The following DNAH7 variants were observed in gnomAD, a reference collection of about 807,000 sequenced individuals.
The protein encoded by DNAH7 is dynein axonemal heavy chain 7.
A neutral mutation model predicts 444.6 loss-of-function variants in DNAH7; 397 were observed. The ratio of observed to expected loss-of-function variants is 0.89; its 90% confidence interval spans 0.82 to 0.97. The LOEUF (loss-of-function observed/expected upper bound fraction) is 0.97, where lower values mean the gene tolerates loss of function less well. Ranked by LOEUF, DNAH7 falls within the 50% of genes least tolerant of loss-of-function variation. DNAH7 has a pLI of 0.00. For missense variants in DNAH7, 4,902 were observed against 4,800.8 expected (o/e 1.02, Z -0.62); for synonymous variants, 1,636 against 1,624.4 (o/e 1.01, Z -0.17).
At chr2:195,900,575 C>T in intron 27 of DNAH7, 81 bp from the exon 28 acceptor site, 1 of 1,301,638 alleles carries the variant, frequency 7.7e-7, no homozygotes. Context: ...CACACGCTCT[C>T]ACTAATATGT....
intron 42 of DNAH7, among the ~76,000 whole-genome samples, chr2:195,859,523 G>T (rs1464915335): frequency 6.6e-6 from 1 of 151,866 alleles, no homozygotes; most frequent in Non-Finnish European, 1.5e-5. Flanking sequence ...TAAAATACTT[G>T]ATATACCATA....
At chr2:195,852,913 CACAGAG>C (rs1428333590) in intron 46 of DNAH7, among the ~76,000 whole-genome samples, 702 of 134,622 alleles carry the variant, frequency 5.2e-3, no homozygotes, top group Middle Eastern at 0.03. Flanking sequence ...CACACACACA[CACAGAG>C]AGAGAGAGAG....
chr2:195,751,306 T>C (rs1693783333), intron 63 of DNAH7, among the ~76,000 whole-genome samples: 1 of 152,202 alleles, frequency 6.6e-6, no homozygotes, highest in Admixed American at 6.5e-5. Context: ...AATAAAACTG[T>C]TTAAGTATTA....
chr2:195,886,377 T>G, intron 33 of DNAH7, 105 bp from the exon 34 acceptor site: 1 of 1,030,674 alleles, frequency 9.7e-7, no homozygotes, highest in Non-Finnish European at 1.4e-6. Flanking sequence ...CAGGTAGTAA[T>G]AATTTTAAAT....
chr2:196,032,320 G>A (rs1394468953), intron 5 of DNAH7, among the ~76,000 whole-genome samples: 7 of 152,100 alleles, frequency 4.6e-5, no homozygotes, highest in Admixed American at 4.6e-4. Context: ...TTTGGGTGGG[G>A]ACACAGAGCC....
In DNAH7 at chr2:195,864,511, C is replaced by A. The variant is rs1226260810; in HGVS notation, c.7144G>T (p.Val2382Leu). The change falls in exon 41 of 65, where the codon GTG becomes TTG. Residue 2382 changes from valine (V) to leucine (L), a missense_variant. Transcript: ENST00000312428. ...DTTEWHEDLK[V>L]ILRKCAEGEM... is the part of the protein sequence containing the mutation. The stretch of plus-strand genomic sequence containing the variant: ...CCTTCCGCACATTTCCTTAAGATCA[C>A]TTTTAAATCTTCATGCCATTCAGTA... 2.5e-6 allele frequency: 4 copies of A among 1,614,170 alleles called. No individual in the cohort carries two copies. The highest frequency in any genetic ancestry group is 2.2e-5 in the South Asian group (2 of 91,082).
At chr2:196,027,878 C>G in intron 6 of DNAH7, 82 bp downstream of exon 6, 1 of 1,262,962 alleles carries the variant, frequency 7.9e-7, no homozygotes, top group African/African-American at 1.5e-5. Context: ...AGGAGAAGCA[C>G]AGAGTGGTCT....
chr2:196,051,173 T>C lies in DNAH7; in HGVS notation c.141+14A>G. Reference sequence around the variant, plus strand: ...AGCACAAAAATTCAATGAGAATATATTTGGATAAGTTACCATAGACAGCTG... The same window carrying C: ...AGCACAAAAATTCAATGAGAATATACTTGGATAAGTTACCATAGACAGCTG... On this transcript the variant is annotated intron_variant, in intron 3 of 64. Transcript: ENST00000312428. 1 of 1,609,794 alleles carries C rather than the reference T, an allele frequency of 6.2e-7. No homozygotes were observed. The highest frequency in any genetic ancestry group is 8.5e-7 in the Non-Finnish European group (1 of 1,177,170).
At chr2:195,784,816 T>C (rs1045124270) in intron 58 of DNAH7, among the ~76,000 whole-genome samples, 2 of 152,202 alleles carry the variant, frequency 1.3e-5, no homozygotes, top group African/African-American at 4.8e-5. Context: ...TTGTTTTAGT[T>C]TTTATTTCTC....
chr2:196,000,468 C>T (rs906523267), intron 12 of DNAH7, among the ~76,000 whole-genome samples: 12 of 152,192 alleles, frequency 7.9e-5, no homozygotes, highest in African/African-American at 2.9e-4. Context: ...CTGATCACAA[C>T]TTTAATTCCT....
intron 47 of DNAH7, 79 bp from the exon 48 acceptor site, chr2:195,834,439 C>T: frequency 8.5e-6 from 12 of 1,409,780 alleles, no homozygotes; most frequent in Non-Finnish European, 1.1e-5. Context: ...CATCACAGGT[C>T]ACTTTTTAAA....
intron 47 of DNAH7, among the ~76,000 whole-genome samples, chr2:195,836,823 TACTC>T (rs1304896689): frequency 1.3e-5 from 2 of 152,192 alleles, no homozygotes; most frequent in African/African-American, 4.8e-5. Context: ...TAAATTGAAT[TACTC>T]ACTCTTGTAT....
intron 24 of DNAH7, among the ~76,000 whole-genome samples, chr2:195,919,220 A>T (rs1351060287): frequency 6.7e-6 from 1 of 148,522 alleles, no homozygotes; most frequent in Non-Finnish European, 1.5e-5. Flanking sequence ...GCCTGGAGAC[A>T]GAGCAAGACT....
At chr2:196,021,946 G>A (rs1445866108) in intron 8 of DNAH7, among the ~76,000 whole-genome samples, 2 of 152,112 alleles carry the variant, frequency 1.3e-5, no homozygotes, top group African/African-American at 4.8e-5. Context: ...GGCCAACATG[G>A]TTAAACCCTG....
At chr2:195,744,217 C>G (rs1693232395) in intron 63 of DNAH7, among the ~76,000 whole-genome samples, 1 of 152,276 alleles carries the variant, frequency 6.6e-6, no homozygotes, top group Non-Finnish European at 1.5e-5. Flanking sequence ...TTATATCCCA[C>G]ACCTGGCTCG....
chr2:195,867,425 T>C (rs1334502399), intron 40 of DNAH7, among the ~76,000 whole-genome samples: 1 of 152,232 alleles, frequency 6.6e-6, no homozygotes, highest in Non-Finnish European at 1.5e-5. Context: ...AAGTCTTGAT[T>C]GCAGACTTTT....
intron 63 of DNAH7, among the ~76,000 whole-genome samples, chr2:195,744,750 G>A (rs372994506): frequency 4.6e-5 from 7 of 152,190 alleles, no homozygotes; most frequent in South Asian, 2.1e-4. Context: ...AACAGGGTCC[G>A]GAGTGGACCT....
intron 49 of DNAH7, among the ~76,000 whole-genome samples, chr2:195,822,362 C>A (rs1005360464): frequency 6.6e-6 from 1 of 152,134 alleles, no homozygotes; most frequent in African/African-American, 2.4e-5. Context: ...CCTTTCACAT[C>A]AAGACTTTTC....
intron 5 of DNAH7, among the ~76,000 whole-genome samples, chr2:196,029,656 G>C (rs1519616): frequency 0.71 from 108,508 of 152,010 alleles, 38,891 homozygotes; most frequent in African/African-American, 0.73. Context: ...GATGAAGAAA[G>C]TGAATGTCAG....
Sources: gnomAD v4.1 joint callset for allele counts (sites outside exome capture counted in the v4.1 genomes callset) on GRCh38, gnomAD v4.1.1 for gene constraint, MANE v1.5 for transcripts, NCBI Gene and HGNC (gene_info 2026-07-23, HGNC 2026-07-21) for gene names.